ENOX1: variants seen among roughly 807,000 people sequenced by gnomAD.
ENOX1 encodes the protein candidate growth-related and time keeping constitutive hydroquinone (NADH) oxidase.
Under a neutral mutation model 82.5 loss-of-function variants are expected in ENOX1, and 42 were observed. That is an observed-to-expected ratio of 0.51 (90% confidence interval 0.40 to 0.66). The LOEUF is 0.66. Ranked by LOEUF, ENOX1 falls within the 30% of genes least tolerant of loss-of-function variation. The probability of loss-of-function intolerance (pLI) is 0.00; values close to 1 mark genes in which losing one functional copy is unlikely to be tolerated. For synonymous variants in ENOX1, 271 were observed against 282.2 expected (o/e 0.96, Z 0.40); for missense variants, 608 against 811.6 (o/e 0.75, Z 3.05).
At chr13:43,362,472 T>C (rs1432667127) in intron 5 of ENOX1, among the ~76,000 whole-genome samples, 1 of 152,074 alleles carries the variant, frequency 6.6e-6, no homozygotes, top group Admixed American at 6.6e-5. Flanking sequence ...AGGATGAAAC[T>C]TCCTTCTTGT....
At chr13:43,465,823 A>G (rs201974843) in intron 3 of ENOX1, among the ~76,000 whole-genome samples, 2 of 152,308 alleles carry the variant, frequency 1.3e-5, no homozygotes, top group East Asian at 3.9e-4. Flanking sequence ...TAGCTTATGG[A>G]AATTGTCCTG....
chr13:43,233,646 C>T (rs192738125), intron 15 of ENOX1, among the ~76,000 whole-genome samples: 106 of 150,004 alleles, frequency 7.1e-4, no homozygotes, highest in Non-Finnish European at 3.7e-4. Context: ...TTTCTCACTC[C>T]CTTTCTCTTC....
At chr13:43,596,461 C>A (rs1311087252) in intron 2 of ENOX1, among the ~76,000 whole-genome samples, 1 of 152,238 alleles carries the variant, frequency 6.6e-6, no homozygotes, top group Non-Finnish European at 1.5e-5. Context: ...CTCTTTGCAG[C>A]AATGCAGTTA....
chr13:43,506,061 T>G (rs976665021), intron 2 of ENOX1, among the ~76,000 whole-genome samples: 4 of 152,078 alleles, frequency 2.6e-5, no homozygotes, highest in Admixed American at 6.6e-5. Flanking sequence ...CAGATAGTTG[T>G]AGATATGCGG....
chr13:43,324,937 G>T (rs2048023383), intron 10 of ENOX1, among the ~76,000 whole-genome samples: 1 of 152,228 alleles, frequency 6.6e-6, no homozygotes, highest in South Asian at 2.1e-4. Flanking sequence ...TTATTCGGCA[G>T]CAGGCCACCA....
chr13:43,714,446 T>G (rs2087964488), intron 1 of ENOX1, among the ~76,000 whole-genome samples: 2 of 152,228 alleles, frequency 1.3e-5, no homozygotes, highest in Admixed American at 1.3e-4. Flanking sequence ...GCTGCAGAGC[T>G]GAGTTCAATT....
chr13:43,729,597 G>A (rs1251722381), intron 1 of ENOX1, among the ~76,000 whole-genome samples: 4 of 152,152 alleles, frequency 2.6e-5, no homozygotes, highest in Non-Finnish European at 5.9e-5. Flanking sequence ...AATAGTAACA[G>A]CAGCCTTGGG....
At chr13:43,299,946 A>G (rs1213171634) in intron 11 of ENOX1, among the ~76,000 whole-genome samples, 2 of 152,130 alleles carry the variant, frequency 1.3e-5, no homozygotes, top group Non-Finnish European at 2.9e-5. Flanking sequence ...CATGGTGATA[A>G]AGCTTTACTG....
chr13:43,371,793 T>C (rs1337519766), intron 5 of ENOX1, among the ~76,000 whole-genome samples: 1 of 152,204 alleles, frequency 6.6e-6, no homozygotes, highest in Non-Finnish European at 1.5e-5. Flanking sequence ...GTTTAAATAA[T>C]ATCAGTATAT....
chr13:43,443,436 A>G (rs1027228354), intron 3 of ENOX1, among the ~76,000 whole-genome samples: 1 of 152,186 alleles, frequency 6.6e-6, no homozygotes, highest in Non-Finnish European at 1.5e-5. Flanking sequence ...AAAAGCTCAG[A>G]ATCCTTATAT....
intron 11 of ENOX1, among the ~76,000 whole-genome samples, chr13:43,302,721 G>GACCT (rs2046649325): frequency 6.6e-6 from 1 of 152,072 alleles, no homozygotes; most frequent in South Asian, 2.1e-4. Context: ...TGGTCAAAGT[G>GACCT]ACCTCCTCTT....
intron 9 of ENOX1, among the ~76,000 whole-genome samples, chr13:43,336,383 C>A (rs747866206): frequency 2.0e-5 from 3 of 152,194 alleles, no homozygotes; most frequent in Non-Finnish European, 2.9e-5. Flanking sequence ...TTTAATCATT[C>A]AGACACTTGA....
chr13:43,544,580 T>C (rs2078893324), intron 2 of ENOX1: 1 of 152,082 alleles, frequency 6.6e-6, no homozygotes, highest in African/African-American at 2.4e-5. Flanking sequence ...TAAGGGGCGG[T>C]GCTGTTGTGT....
At chr13:43,561,992 AGAGG>A (rs565128218) in intron 2 of ENOX1, among the ~76,000 whole-genome samples, 91 of 117,316 alleles carry the variant, frequency 7.8e-4, no homozygotes, top group East Asian at 2.9e-3. Flanking sequence ...AGGAAGAGAG[AGAGG>A]GAGGGAGGGA....
intron 12 of ENOX1, among the ~76,000 whole-genome samples, chr13:43,277,763 G>GCTGGC (rs1306999918): frequency 6.6e-6 from 1 of 152,168 alleles, no homozygotes; most frequent in African/African-American, 2.4e-5. Flanking sequence ...GTTCCCTAGG[G>GCTGGC]CTGGCCTGGA....
rs371773881 is a variant in ENOX1, at chr13:43,226,677, GAGA to G, written c.1715-2542_1715-2540del. ...AGAGCCTCCCACAAGTGATGGGCAGGAGAAGGACAGGGGAGGGAGAAGGAAGAG... is the reference window on the plus strand; with the variant it reads ...AGAGCCTCCCACAAGTGATGGGCAGGAGGACAGGGGAGGGAGAAGGAAGAG... On this transcript the variant is annotated intron_variant, in intron 15 of 16. Coordinates refer to ENST00000690772, the MANE Select transcript of ENOX1 (RefSeq NM_001347969.2). Among the ~76,000 whole-genome samples the G allele has an allele frequency of 2.2e-3, 341 of 152,280 alleles. 1 individual carries two copies. Among genetic ancestry groups the G allele is most frequent in the African/African-American group, 7.6e-3 (315 of 41,558 alleles).
At chr13:43,527,738 G>T (rs1289635974) in intron 2 of ENOX1, among the ~76,000 whole-genome samples, 1 of 152,110 alleles carries the variant, frequency 6.6e-6, no homozygotes, top group Non-Finnish European at 1.5e-5. Flanking sequence ...ATAAAAGTGA[G>T]CCAGTGCAAT....
chr13:43,733,452 T>C (rs1456522290), intron 1 of ENOX1, among the ~76,000 whole-genome samples: 2 of 152,176 alleles, frequency 1.3e-5, no homozygotes, highest in Non-Finnish European at 2.9e-5. Flanking sequence ...TTTACAAACA[T>C]GTCAGAAGCA....
Position 43,716,416 on chromosome 13 carries a change from G to A in ENOX1, c.-284-48872C>T, listed in dbSNP as rs578145266. On this transcript the variant is annotated intron_variant, in intron 1 of 16. Transcript: ENST00000690772. ...GCAGAAATCGCCCATCTTCTGCGTC[G>A]CTCATGCTGGGAGCTGTAGACCGGA... Among the ~76,000 whole-genome samples the A allele has an allele frequency of 4.8e-4, 73 of 152,270 alleles. 1 individual carries two copies. The South Asian group carries it at 7.0e-3, about 15-fold the overall frequency.
Sources: allele counts gnomAD v4.1 joint callset (sites outside exome capture counted in the v4.1 genomes callset), GRCh38; gene constraint gnomAD v4.1.1; transcripts MANE v1.5; gene names NCBI Gene and HGNC (gene_info 2026-07-23, HGNC 2026-07-21).